The following AFTPH variants were observed in gnomAD, a reference collection of about 807,000 sequenced individuals.
AFTPH encodes aftiphilin protein.
AFTPH carries 7 observed loss-of-function variants against 72.5 expected under a neutral mutation model. The ratio of observed to expected loss-of-function variants is 0.10; its 90% CI spans 0.05 to 0.18. AFTPH has a LOEUF of 0.18. AFTPH is among the 10% of genes least tolerant of loss of function. AFTPH has a pLI of 1.00. For missense variants in AFTPH, 979 were observed against 1,060.5 expected, an observed-to-expected ratio of 0.92 and a Z score of 1.07; for synonymous variants, 337 against 370.1, an observed-to-expected ratio of 0.91 and a Z score of 1.03.
chr2:64,571,202 CT>C (rs1232051451), intron 5 of AFTPH, among the ~76,000 whole-genome samples: 2 of 151,950 alleles, frequency 1.3e-5, no homozygotes, highest in African/African-American at 2.4e-5. Context: ...GGTTCTCAAA[CT>C]TTAATGTATA....
At chr2:64,565,180 T>G (rs78880477) in intron 2 of AFTPH, among the ~76,000 whole-genome samples, 8,657 of 151,848 alleles carry the variant, frequency 0.057, 460 homozygotes, top group African/African-American at 0.13. Context: ...CAGAGTAAAT[T>G]TAATAAAAAT....
At chr2:64,572,603 A>G (rs1672506452) in intron 5 of AFTPH, among the ~76,000 whole-genome samples, 1 of 152,180 alleles carries the variant, frequency 6.6e-6, no homozygotes, top group African/African-American at 2.4e-5. Flanking sequence ...AAAACCTCTG[A>G]TTTAAAATAC....
rs956258130 is a variant in AFTPH, at chr2:64,548,789, A to G, written c.-32-2654A>G. Reference sequence around the variant, plus strand: ...AGGGAACAAAATAGGATTTGTGTGTATCTTGTACTTTTTTTTTTCTATTTA... The same window carrying G: ...AGGGAACAAAATAGGATTTGTGTGTGTCTTGTACTTTTTTTTTTCTATTTA... On this transcript the variant is annotated intron_variant, in intron 1 of 8. Coordinates refer to ENST00000238856, the Ensembl canonical transcript of AFTPH. Among the ~76,000 whole-genome samples the G allele has an allele frequency of 3.9e-5, 6 of 152,192 alleles. No individual in the cohort carries two copies. The South Asian group carries it at 1.2e-3, about 31-fold the overall frequency.
rs539281592 is a variant in AFTPH at position 64,552,058 on chromosome 2, A to G, written c.584A>G (p.Gln195Arg). ...GCAGTGTTGGAAACTGTAAATCCTC[A>G]GGGAACAGATGATCTGGACAATGTA... The change falls in exon 2 of 9, where the codon CAG becomes CGG. Residue 195 changes from glutamine to arginine, a missense_variant. Coordinates refer to ENST00000238856, the Ensembl canonical transcript of AFTPH. 94 of 1,614,006 alleles carry G rather than the reference A, an allele frequency of 5.8e-5. 4 individuals carry two copies. In the South Asian group the frequency reaches 9.2e-4, roughly 16 times the overall value.
chr2:64,581,473 T>G (rs1673193811), intron 7 of AFTPH, among the ~76,000 whole-genome samples, 200 bp downstream of exon 8: 1 of 152,234 alleles, frequency 6.6e-6, no homozygotes, highest in South Asian at 2.1e-4. Context: ...CTTTCTAATA[T>G]TCAAAGCTGA....
chr2:64,579,610 A>T, intron 7 of AFTPH, 64 bp downstream of exon 7: 1 of 1,398,080 alleles, frequency 7.2e-7, no homozygotes, highest in African/African-American at 1.4e-5. Context: ...AAGTTCAGAC[A>T]AACTTCTCTC....
chr2:64,562,799 C>T (rs1671819923), intron 2 of AFTPH, among the ~76,000 whole-genome samples: 1 of 152,166 alleles, frequency 6.6e-6, no homozygotes, highest in Admixed American at 6.5e-5. Flanking sequence ...ATCTTTTGAT[C>T]TTTTGCTGAA....
chr2:64,552,684 A>T, exon 2 of AFTPH: 1 of 1,614,190 alleles, frequency 6.2e-7, no homozygotes, highest in Non-Finnish European at 8.5e-7. Flanking sequence ...CACAGAAGAA[A>T]ATGATTTGGA....
chr2:64,548,433 A>AAAAAAAAAAAAAAAAAAAAC (rs1243472946), intron 1 of AFTPH, among the ~76,000 whole-genome samples: 1 of 102,610 alleles, frequency 9.7e-6, no homozygotes. Context: ...AAAAAAAAAA[A>AAAAAAAAAAAAAAAAAAAAC]AACTTTAGAA....
At chr2:64,524,401 C>CGGA in exon 1 of AFTPH, 1 of 404,068 alleles carries the variant, frequency 2.5e-6, no homozygotes, top group Non-Finnish European at 4.4e-6. Flanking sequence ...GCGGCGGCGG[C>CGGA]GGAAGAGGGC....
chr2:64,573,665 CT>C (rs1004539551), intron 6 of AFTPH, among the ~76,000 whole-genome samples: 1 of 150,242 alleles, frequency 6.7e-6, no homozygotes, highest in African/African-American at 2.4e-5. Context: ...ATAGAAAACT[CT>C]TTTTTTTTGG....
chr2:64,573,530 A>G (rs1256940325), intron 6 of AFTPH, among the ~76,000 whole-genome samples: 1 of 152,152 alleles, frequency 6.6e-6, no homozygotes, highest in Non-Finnish European at 1.5e-5. Context: ...ATCCTGTGAA[A>G]TTTTATAAAG....
intron 7 of AFTPH, among the ~76,000 whole-genome samples, chr2:64,584,408 A>G (rs898651810): frequency 6.6e-6 from 1 of 152,068 alleles, no homozygotes; most frequent in Non-Finnish European, 1.5e-5. Flanking sequence ...CTCTAACAAG[A>G]TATTTGAACT....
At chr2:64,562,571 C>T (rs1671806646) in intron 2 of AFTPH, among the ~76,000 whole-genome samples, 1 of 152,110 alleles carries the variant, frequency 6.6e-6, no homozygotes. Flanking sequence ...CATGTGACCA[C>T]AGGGAAGTTA....
At chr2:64,573,643 T>C (rs1389922878) in intron 6 of AFTPH, among the ~76,000 whole-genome samples, 2 of 152,140 alleles carry the variant, frequency 1.3e-5, no homozygotes, top group African/African-American at 4.8e-5. Context: ...AAACAATCTA[T>C]GGATTAGGAA....
intron 1 of AFTPH, among the ~76,000 whole-genome samples, chr2:64,550,677 GCACACACA>G (rs56139158): frequency 0.036 from 4,636 of 130,154 alleles, 159 homozygotes; most frequent in African/African-American, 0.093. Flanking sequence ...CTGTACGCAT[GCACACACA>G]CACACACACA....
chr2:64,591,104 A>C (rs1673801861), intron 8 of AFTPH, among the ~76,000 whole-genome samples: 1 of 152,248 alleles, frequency 6.6e-6, no homozygotes, highest in Admixed American at 6.5e-5. Flanking sequence ...TTTGAGGCTC[A>C]TTTGGCATTT....
intron 6 of AFTPH, 109 bp from the exon 7 acceptor site, chr2:64,579,377 T>C (rs1031346814): frequency 1.1e-5 from 8 of 741,744 alleles, no homozygotes; most frequent in African/African-American, 1.1e-4. Flanking sequence ...AATTTTGTCT[T>C]TAGGTACTTT....
intron 3 of AFTPH, among the ~76,000 whole-genome samples, chr2:64,568,459 T>C (rs1672220756): frequency 1.3e-5 from 2 of 152,184 alleles, no homozygotes; most frequent in Non-Finnish European, 2.9e-5. Context: ...TACACATACA[T>C]TGCCTCGGGA....
Sources: allele counts gnomAD v4.1 joint callset (sites outside exome capture counted in the v4.1 genomes callset), GRCh38; gene constraint gnomAD v4.1.1; transcripts MANE v1.5; gene names NCBI Gene and HGNC (gene_info 2026-07-23, HGNC 2026-07-21).